The following MTOR variants were observed in gnomAD, a reference collection of about 807,000 sequenced individuals.
MTOR encodes mechanistic target of rapamycin kinase, also known as serine/threonine-protein kinase mTOR.
MTOR carries 70 observed loss-of-function variants against 319.8 expected under a neutral mutation model. The ratio of observed to expected loss-of-function variants is 0.22; its 90% CI spans 0.18 to 0.27. The LOEUF is 0.27. Ranked by LOEUF, MTOR falls within the 10% of genes least tolerant of loss-of-function variation. The pLI is 1.00. For missense variants in MTOR, 1,890 were observed against 3,274.4 expected (o/e 0.58, Z 10.32); for synonymous variants, 1,183 against 1,211.4 (o/e 0.98, Z 0.49).
chr1:11,154,062 C>CT (rs1287591676), intron 30 of MTOR, among the ~76,000 whole-genome samples: 1 of 61,468 alleles, frequency 1.6e-5, no homozygotes, highest in African/African-American at 7.9e-5. Flanking sequence ...GAGTGAGACT[C>CT]TGTCTCAAAA....
At chr1:11,193,177 T>A (rs1028349057) in intron 28 of MTOR, among the ~76,000 whole-genome samples, 5 of 151,694 alleles carry the variant, frequency 3.3e-5, no homozygotes, top group African/African-American at 1.2e-4. Context: ...ATTAGCCCAG[T>A]GTGGTGACAG....
chr1:11,232,921 T>C (rs1647070381), intron 15 of MTOR: 1 of 667,342 alleles, frequency 1.5e-6, no homozygotes, highest in East Asian at 2.6e-5. Context: ...CCTCTCTTCC[T>C]TTCTCCACCA....
intron 29 of MTOR, among the ~76,000 whole-genome samples, chr1:11,162,451 T>A (rs1644506198): frequency 6.6e-6 from 1 of 152,084 alleles, no homozygotes; most frequent in African/African-American, 2.4e-5. Flanking sequence ...AAGATACTTC[T>A]CGAGAAGAGC....
rs201439953 is a variant in MTOR at position 11,238,622 on chromosome 1, A to G, written c.1787-5T>C. 1.0e-5 allele frequency: 16 copies of G among 1,603,132 alleles called. No individual in the cohort carries two copies. The African/African-American group carries it at 2.1e-4, about 21-fold the overall frequency. ...CAAATTGGGTCAGAGAGTGGCCTGGATAGAAAGGCAGAGAGAAAACAGAAT... is the reference window on the plus strand; with the variant it reads ...CAAATTGGGTCAGAGAGTGGCCTGGGTAGAAAGGCAGAGAGAAAACAGAAT... On this transcript the variant is annotated splice_polypyrimidine_tract_variant and splice_region_variant and intron_variant, in intron 11 of 57. Transcript: ENST00000361445.
chr1:11,153,366 T>C (rs886300113), intron 30 of MTOR, among the ~76,000 whole-genome samples: 3 of 152,192 alleles, frequency 2.0e-5, no homozygotes, highest in Non-Finnish European at 4.4e-5. Context: ...CACAGAGAAA[T>C]GTGCTGAAGA....
Position 11,199,369 on chromosome 1 carries a change from A to G in MTOR, c.4142T>C (p.Val1381Ala). The change falls in exon 28 of 58, where the codon GTT becomes GCT. Residue 1381 changes from valine to alanine, a missense_variant. Val to Ala is a moderately conservative substitution (Grantham distance 64). Coordinates refer to ENST00000361445, the MANE Select transcript of MTOR (RefSeq NM_004958.4). The surrounding 1 kb of genome is among the most constrained non-coding windows in gnomAD (Gnocchi z 4.5). Reference sequence around the variant, plus strand: ...CTTGGCAGCTCTCTCACCCAGCAGAACAATGCCATTGTCATCTCTCAGTGG... The same window carrying G: ...CTTGGCAGCTCTCTCACCCAGCAGAGCAATGCCATTGTCATCTCTCAGTGG... ...PLPLRDDNGI[V>A]LLGERAAKCR... is the part of the protein sequence containing the mutation. The G allele has an allele frequency of 6.2e-7, 1 of 1,614,174 alleles. No homozygotes were observed. The highest frequency in any genetic ancestry group is 1.6e-4 in the Middle Eastern group (1 of 6,062).
chr1:11,129,653 A>G lies in MTOR; in HGVS notation c.5714+85T>C. The G allele has an allele frequency of 8.2e-7, 1 of 1,220,464 alleles. No homozygotes were observed. Among genetic ancestry groups the G allele is most frequent in the Non-Finnish European group, 1.2e-6 (1 of 842,184 alleles). 75.6% of individuals were successfully genotyped at this position (1,220,464 alleles called of 1,614,324 possible). ...CTTGGGTGTCCTGATCAGGGTCAGG[A>G]AGGGAAAGAGGACTTTTACGTGTGA... On this transcript the variant is annotated intron_variant, in intron 40 of 57. Coordinates refer to ENST00000361445, the MANE Select transcript of MTOR (RefSeq NM_004958.4). This position sits in a 1 kb window ranked among gnomAD's most constrained non-coding sequence, Gnocchi z 4.7.
At chr1:11,190,069 C>T (rs1645469151) in intron 28 of MTOR, 1 of 1,281,086 alleles carries the variant, frequency 7.8e-7, no homozygotes, top group African/African-American at 1.5e-5. Flanking sequence ...GGTACACTTT[C>T]CCTTTAGTAA....
In MTOR at chr1:11,115,746, G is replaced by A. The variant is rs1642132038; in HGVS notation, c.7017-278C>T. ...CAAAGCCTAAAACGACCTATTAACT[G>A]GTCCTTTACAGAAACAGTTTGCCAA... On this transcript the variant is annotated intron_variant, in intron 50 of 57. Coordinates refer to ENST00000361445, the MANE Select transcript of MTOR (RefSeq NM_004958.4). This position sits in a 1 kb window ranked among gnomAD's most constrained non-coding sequence, Gnocchi z 4.5. 2.7e-6 allele frequency: 1 copy of A among 375,690 alleles called. No individual in the cohort carries two copies. Among genetic ancestry groups the A allele is most frequent in the South Asian group, 4.1e-5 (1 of 24,626 alleles). 23.3% of individuals were successfully genotyped at this position (375,690 alleles called of 1,614,324 possible). A position where few individuals can be genotyped will look rare whatever the true frequency, so the allele number is the denominator to read the frequency against.
chr1:11,187,669 T>C (rs750710055), intron 28 of MTOR, among the ~76,000 whole-genome samples: 32 of 152,202 alleles, frequency 2.1e-4, no homozygotes, highest in Non-Finnish European at 3.2e-4. Flanking sequence ...TCAGTGTCAT[T>C]TGATGGCCAG....
At position 11,106,732 on chromosome 1, in the gene MTOR, CAG is replaced by C. The variant is rs1641596629; in HGVS notation, c.*751_*752del. 2 of 1,225,930 alleles carry C rather than the reference CAG, an allele frequency of 1.6e-6. No homozygotes were observed. The highest frequency in any genetic ancestry group is 3.6e-5 in the East Asian group (1 of 27,734). The allele number at this position is 1,225,930 out of a possible 1,614,324, so 75.9% of individuals were successfully genotyped here. On this transcript the variant is annotated 3_prime_UTR_variant, in exon 58 of 58. Coordinates refer to ENST00000361445, the MANE Select transcript of MTOR (RefSeq NM_004958.4). ...CTGTTTTCTGAGCCCTTGCTCTAAA[CAG>C]AGTATTTTGACCACTGAAAACATCC...
intron 28 of MTOR, among the ~76,000 whole-genome samples, chr1:11,179,425 G>A (rs1453579287): frequency 1.3e-5 from 2 of 152,220 alleles, no homozygotes; most frequent in African/African-American, 2.4e-5. Flanking sequence ...GTAGTCTGAA[G>A]GATAAGCTAG....
At chr1:11,144,881 C>A in intron 33 of MTOR, 87 bp downstream of exon 33, 1 of 1,518,706 alleles carries the variant, frequency 6.6e-7, no homozygotes. Flanking sequence ...ATGTTTCCAG[C>A]AGCCTGTAAG....
chr1:11,216,928 T>C (rs565959819), intron 19 of MTOR, among the ~76,000 whole-genome samples: 1 of 152,336 alleles, frequency 6.6e-6, no homozygotes, highest in South Asian at 2.1e-4. Flanking sequence ...GTCTGTATCA[T>C]TGAAGGATTC....
At chr1:11,223,976 T>C (rs975593344) in intron 19 of MTOR, among the ~76,000 whole-genome samples, 1 of 149,130 alleles carries the variant, frequency 6.7e-6, no homozygotes, top group African/African-American at 2.5e-5. Flanking sequence ...GAGGCAGAGG[T>C]TGCAGTGAGC....
intron 4 of MTOR, 61 bp from the exon 5 acceptor site, chr1:11,256,253 AC>A: frequency 6.4e-7 from 1 of 1,558,294 alleles, no homozygotes; most frequent in Non-Finnish European, 8.7e-7. Flanking sequence ...TCTCAGGAGT[AC>A]AGTCTCTTGT....
At chr1:11,169,825 T>G (rs1473557477) in intron 28 of MTOR, among the ~76,000 whole-genome samples, 1 of 152,196 alleles carries the variant, frequency 6.6e-6, no homozygotes, top group African/African-American at 2.4e-5. Flanking sequence ...AATTAAACAA[T>G]GAACATGCAA....
intron 54 of MTOR, chr1:11,111,035 G>C (rs1348179341): frequency 2.2e-6 from 1 of 445,512 alleles, no homozygotes; most frequent in Non-Finnish European, 4.5e-6. Context: ...AGCTCCCCCA[G>C]AGACTGTGTG....
chr1:11,249,895 G>A (rs946717745), intron 6 of MTOR, among the ~76,000 whole-genome samples: 36 of 151,018 alleles, frequency 2.4e-4, no homozygotes, highest in African/African-American at 1.2e-4. Context: ...CCACAAAACC[G>A]CCACTGTCAT....
Sources: gnomAD v4.1 joint callset for allele counts (sites outside exome capture counted in the v4.1 genomes callset) on GRCh38, gnomAD v4.1.1 for gene constraint, Gnocchi (gnomAD v3.1) non-coding constraint, MANE v1.5 for transcripts, NCBI Gene and HGNC (gene_info 2026-07-23, HGNC 2026-07-21) for gene names.